The following ARIH1 variants were observed in gnomAD, a reference collection of about 807,000 sequenced individuals.
ARIH1 encodes E3 ubiquitin-protein ligase ARIH1.
Under a neutral mutation model 85.0 loss-of-function variants are expected in ARIH1, and 8 were observed. That is an observed-to-expected ratio of 0.09 (90% CI 0.06 to 0.17). ARIH1 has a LOEUF of 0.17. Among genes scored for constraint, ARIH1 ranks in the 10% least tolerant of loss-of-function variants. ARIH1 has a pLI of 1.00. For synonymous variants in ARIH1, 238 were observed against 253.6 expected, an observed-to-expected ratio of 0.94 and a Z score of 0.59; for missense variants, 311 against 718.1, an observed-to-expected ratio of 0.43 and a Z score of 6.48.
At chr15:72,580,037 T>A (rs542587267) in intron 11 of ARIH1, among the ~76,000 whole-genome samples, 1 of 152,350 alleles carries the variant, frequency 6.6e-6, no homozygotes, top group South Asian at 2.1e-4. Flanking sequence ...TCATCCAGTC[T>A]ATCTGAAACT....
At chr15:72,575,966 C>G (rs891430403) in intron 11 of ARIH1, among the ~76,000 whole-genome samples, 1 of 152,200 alleles carries the variant, frequency 6.6e-6, no homozygotes, top group African/African-American at 2.4e-5. Context: ...GCCTCAACCT[C>G]TGCATTAGCT....
chr15:72,533,330 A>G lies in ARIH1; in HGVS notation c.444-11490A>G, dbSNP rs368619502. On this transcript the variant is annotated intron_variant, in intron 2 of 13. Coordinates refer to ENST00000379887, the MANE Select transcript of ARIH1 (RefSeq NM_005744.5). Reference sequence around the variant, plus strand: ...TTTTTAGTAGAGATGGGGTTTCACCATGTTGGCCAGGCTGGTCTTGAACTC... The same window carrying G: ...TTTTTAGTAGAGATGGGGTTTCACCGTGTTGGCCAGGCTGGTCTTGAACTC... Among the ~76,000 whole-genome samples the G allele has an allele frequency of 2.5e-4, 38 of 152,284 alleles. No individual in the cohort carries two copies. In the East Asian group the frequency reaches 7.0e-3, roughly 28 times the overall value.
chr15:72,542,927 C>A (rs1171484653), intron 2 of ARIH1, among the ~76,000 whole-genome samples: 1 of 139,330 alleles, frequency 7.2e-6, no homozygotes, highest in African/African-American at 2.6e-5. Flanking sequence ...TTTATATTAT[C>A]TTTTTTTTTT....
At chr15:72,537,513 G>A (rs896235774) in intron 2 of ARIH1, among the ~76,000 whole-genome samples, 8 of 152,050 alleles carry the variant, frequency 5.3e-5, no homozygotes, top group Admixed American at 1.3e-4. Context: ...TTATTATTCC[G>A]TATTGCTGTT....
At chr15:72,567,230 C>T in intron 9 of ARIH1, 53 bp downstream of exon 9, 2 of 1,454,214 alleles carry the variant, frequency 1.4e-6, no homozygotes, top group Non-Finnish European at 1.9e-6. Flanking sequence ...AGGATTGGTA[C>T]TTTGGCATTA....
chr15:72,534,892 A>G (rs1004860398), intron 2 of ARIH1, among the ~76,000 whole-genome samples: 3 of 151,866 alleles, frequency 2.0e-5, no homozygotes, highest in Admixed American at 6.6e-5. Context: ...GGTTGTGCTC[A>G]TAGCCATCAC....
At chr15:72,526,242 G>T (rs892738932) in intron 2 of ARIH1, among the ~76,000 whole-genome samples, 1 of 152,020 alleles carries the variant, frequency 6.6e-6, no homozygotes, top group African/African-American at 2.4e-5. Flanking sequence ...AGGCATATTA[G>T]TATTTCTTTT....
intron 5 of ARIH1, among the ~76,000 whole-genome samples, chr15:72,558,321 G>A (rs1224067378): frequency 6.6e-6 from 1 of 152,156 alleles, no homozygotes; most frequent in African/African-American, 2.4e-5. Context: ...TTTATGTGGT[G>A]AATTACATTT....
chr15:72,476,627 C>T (rs61271171), intron 1 of ARIH1, among the ~76,000 whole-genome samples: 1,635 of 152,196 alleles, frequency 0.011, 27 homozygotes, highest in African/African-American at 0.038. Flanking sequence ...CCTCCCAAAG[C>T]GCTGGATTAC....
At chr15:72,503,287 C>A (rs375713846) in intron 1 of ARIH1, among the ~76,000 whole-genome samples, 5 of 152,274 alleles carry the variant, frequency 3.3e-5, no homozygotes, top group African/African-American at 1.2e-4. Flanking sequence ...ATTATTTATT[C>A]TCCAGCATCT....
chr15:72,549,829 A>G lies in ARIH1; in HGVS notation c.588+4865A>G, dbSNP rs114513893. 9.9e-3 allele frequency among the ~76,000 whole-genome samples: 1,501 copies of G among 152,250 alleles called. 29 individuals carry two copies. Among genetic ancestry groups the G allele is most frequent in the African/African-American group, 0.034 (1,401 of 41,536 alleles). On this transcript the variant is annotated intron_variant, in intron 3 of 13. Transcript: ENST00000379887. ...TTCTTTTGTAGATAATATTTCATGT[A>G]TTTTTCGTGTACTCTCTTGATCGGA...
At chr15:72,538,433 A>G (rs750110298) in intron 2 of ARIH1, among the ~76,000 whole-genome samples, 3 of 152,190 alleles carry the variant, frequency 2.0e-5, no homozygotes, top group Non-Finnish European at 4.4e-5. Context: ...TTGGTTTTAC[A>G]TTTTGCTTTT....
At chr15:72,533,225 G>C (rs1194861967) in intron 2 of ARIH1, among the ~76,000 whole-genome samples, 16 of 152,142 alleles carry the variant, frequency 1.1e-4, no homozygotes, top group Non-Finnish European at 2.1e-4. Context: ...TACCTGCCAG[G>C]TTCAAGCAAT....
rs1445489522 is a variant in ARIH1, at chr15:72,597,418, C to T, written c.*14126C>T. 1 of 151,998 alleles carries T rather than the reference C, an allele frequency of 6.6e-6. No individual in the cohort carries two copies. Among genetic ancestry groups the T allele is most frequent in the Admixed American group, 6.6e-5 (1 of 15,254 alleles). The allele number at this position is 151,998 out of a possible 1,614,324, so 9.4% of individuals were successfully genotyped here. On this transcript the variant is annotated 3_prime_UTR_variant, in exon 14 of 14. Transcript: ENST00000379887. ...GGGAGATCTTTCCCTACTTTACAAC[C>T]TTGCTGCCAGGATTTTTTTTTTTAA...
intron 6 of ARIH1, among the ~76,000 whole-genome samples, chr15:72,562,444 A>G (rs2064201151): frequency 6.6e-6 from 1 of 152,324 alleles, no homozygotes; most frequent in Admixed American, 6.5e-5. Flanking sequence ...TTAAACCTGG[A>G]AACAGCCTAT....
At chr15:72,535,495 G>A (rs2064078083) in intron 2 of ARIH1, among the ~76,000 whole-genome samples, 1 of 152,172 alleles carries the variant, frequency 6.6e-6, no homozygotes, top group Non-Finnish European at 1.5e-5. Flanking sequence ...ACTACCTTGT[G>A]TTTTGATGGA....
In ARIH1 at chr15:72,583,386, C is replaced by A; in HGVS notation, c.*94C>A. ...CAAACACAAACAAGGAGGCACTAAG[C>A]CTATTCTGACACCACTGGTCTGTAG... On this transcript the variant is annotated 3_prime_UTR_variant, in exon 14 of 14. Transcript: ENST00000379887. The A allele has an allele frequency of 1.1e-6, 1 of 917,096 alleles. No individual in the cohort carries two copies. The highest frequency in any genetic ancestry group is 1.7e-6 in the Non-Finnish European group (1 of 579,704). 56.8% of individuals were successfully genotyped at this position (917,096 alleles called of 1,614,324 possible).
At chr15:72,543,984 C>T (rs2064118615) in intron 2 of ARIH1, among the ~76,000 whole-genome samples, 2 of 152,018 alleles carry the variant, frequency 1.3e-5, no homozygotes, top group Admixed American at 1.3e-4. Context: ...CCTCAACCCA[C>T]CTTAAGGTCT....
chr15:72,480,281 T>A (rs1318214360), intron 1 of ARIH1, among the ~76,000 whole-genome samples: 40 of 148,964 alleles, frequency 2.7e-4, no homozygotes, highest in East Asian at 3.9e-4. Context: ...TTTTTTTTTT[T>A]ATACATGTCT....
Sources: allele counts gnomAD v4.1 joint callset (sites outside exome capture counted in the v4.1 genomes callset), GRCh38; gene constraint gnomAD v4.1.1; transcripts MANE v1.5; gene names NCBI Gene and HGNC (gene_info 2026-07-23, HGNC 2026-07-21).